SLC4A10: variants seen among roughly 807,000 people sequenced by gnomAD.
The protein encoded by SLC4A10 is solute carrier family 4 member 10.
SLC4A10 carries 42 observed loss-of-function variants against 137.7 expected under a neutral mutation model. The observed-to-expected ratio is 0.30, with a 90% CI of 0.24 to 0.39. The LOEUF (loss-of-function observed/expected upper bound fraction) is 0.39, where lower values mean the gene tolerates loss of function less well. Ranked by LOEUF, SLC4A10 falls within the 10% of genes least tolerant of loss-of-function variation. The pLI is 1.00. For synonymous variants in SLC4A10, 474 were observed against 464.1 expected, an observed-to-expected ratio of 1.02 and a Z score of -0.27; for missense variants, 925 against 1,355.0, an observed-to-expected ratio of 0.68 and a Z score of 4.98.
chr2:161,741,702 G>A (rs2047915193), intron 1 of SLC4A10, among the ~76,000 whole-genome samples: 1 of 152,040 alleles, frequency 6.6e-6, no homozygotes, highest in African/African-American at 2.4e-5. Context: ...GTACATAATA[G>A]GTGTATATAT....
At chr2:161,816,172 C>T (rs1051337259) in intron 3 of SLC4A10, among the ~76,000 whole-genome samples, 16 of 152,116 alleles carry the variant, frequency 1.1e-4, no homozygotes, top group African/African-American at 3.9e-4. Context: ...ATGACATTTC[C>T]ATGCTGAAGG....
At chr2:161,689,967 A>G (rs1005698903) in intron 1 of SLC4A10, among the ~76,000 whole-genome samples, 1 of 152,202 alleles carries the variant, frequency 6.6e-6, no homozygotes, top group Non-Finnish European at 1.5e-5. Flanking sequence ...TGAAGAATAT[A>G]GTGGATTCAT....
rs72873672 is a variant in SLC4A10 at position 161,655,448 on chromosome 2, C to T, written c.48+30882C>T. On this transcript the variant is annotated intron_variant, in intron 1 of 26. Transcript: ENST00000446997. ...TCCCTGCATTTTCCCTGATCTTTGA[C>T]GAAAAGCTTTCAGTTTTTTCACATT... Among the ~76,000 whole-genome samples the T allele has an allele frequency of 5.4e-3, 817 of 152,226 alleles. 5 individuals carry two copies. The highest frequency in any genetic ancestry group is 0.014 in the Middle Eastern group (4 of 294).
intron 4 of SLC4A10, among the ~76,000 whole-genome samples, chr2:161,842,998 G>T (rs1267384437): frequency 1.3e-5 from 2 of 152,156 alleles, no homozygotes; most frequent in African/African-American, 4.8e-5. Flanking sequence ...GTTAGTTAGA[G>T]TCTCTTTAAC....
intron 1 of SLC4A10, among the ~76,000 whole-genome samples, chr2:161,741,770 C>T (rs1008331259): frequency 5.3e-5 from 8 of 152,216 alleles, no homozygotes; most frequent in African/African-American, 7.2e-5. Context: ...GGCACATCAG[C>T]GTAAATGGAA....
At chr2:161,753,380 A>G (rs192158984) in intron 1 of SLC4A10, among the ~76,000 whole-genome samples, 17 of 152,266 alleles carry the variant, frequency 1.1e-4, no homozygotes, top group Admixed American at 9.2e-4. Context: ...AAAAACTCTT[A>G]TCTCTTCTTC....
intron 10 of SLC4A10, among the ~76,000 whole-genome samples, chr2:161,889,961 G>A (rs534096497): frequency 3.9e-5 from 6 of 152,288 alleles, no homozygotes; most frequent in East Asian, 1.9e-4. Flanking sequence ...TGCTTCAGCT[G>A]TGTCCCAGAG....
At chr2:161,732,469 C>T (rs2046918344) in intron 1 of SLC4A10, among the ~76,000 whole-genome samples, 1 of 152,104 alleles carries the variant, frequency 6.6e-6, no homozygotes, top group Non-Finnish European at 1.5e-5. Context: ...AACACAGATC[C>T]CTTACAGTAA....
intron 1 of SLC4A10, among the ~76,000 whole-genome samples, chr2:161,707,841 T>C (rs2125043771): frequency 6.6e-6 from 1 of 151,574 alleles, no homozygotes; most frequent in African/African-American, 2.4e-5. Flanking sequence ...ATGAAATCCC[T>C]GAAAATTAAA....
intron 1 of SLC4A10, among the ~76,000 whole-genome samples, chr2:161,666,361 C>T (rs1254170072): frequency 6.6e-6 from 1 of 151,584 alleles, no homozygotes; most frequent in Non-Finnish European, 1.5e-5. Context: ...TTTTCCAACA[C>T]GTAACACATG....
At chr2:161,752,074 T>C (rs958944893) in intron 1 of SLC4A10, among the ~76,000 whole-genome samples, 1 of 151,788 alleles carries the variant, frequency 6.6e-6, no homozygotes, top group Non-Finnish European at 1.5e-5. Flanking sequence ...AAATGGAGGG[T>C]TGGGTTAGTA....
At chr2:161,946,512 A>G (rs1421096397) in intron 16 of SLC4A10, among the ~76,000 whole-genome samples, 1 of 152,090 alleles carries the variant, frequency 6.6e-6, no homozygotes, top group Non-Finnish European at 1.5e-5. Context: ...AATTCAATTT[A>G]TGTTCAGGGC....
chr2:161,659,054 A>G lies in SLC4A10; in HGVS notation c.48+34488A>G, dbSNP rs186954476. Among the ~76,000 whole-genome samples, 5 of 152,314 alleles carry G rather than the reference A, an allele frequency of 3.3e-5. No homozygotes were observed. In the South Asian group the frequency reaches 8.3e-4, roughly 25 times the overall value. On this transcript the variant is annotated intron_variant, in intron 1 of 26. Transcript: ENST00000446997. ...TAGTCCAGCAATCCCACTACTGGGT[A>G]CATATCCAAAGGAAAAAAAAATCAT...
chr2:161,641,191 A>G (rs899895092), intron 1 of SLC4A10, among the ~76,000 whole-genome samples: 2 of 152,152 alleles, frequency 1.3e-5, no homozygotes, highest in Non-Finnish European at 2.9e-5. Context: ...GTTTATTACA[A>G]TATGATAGGC....
chr2:161,826,980 G>C (rs2058057234), intron 3 of SLC4A10, among the ~76,000 whole-genome samples: 1 of 152,068 alleles, frequency 6.6e-6, no homozygotes, highest in Non-Finnish European at 1.5e-5. Context: ...CTCTCCGTGA[G>C]ATGTATGTTC....
chr2:161,882,682 C>T (rs1284855630), intron 10 of SLC4A10, among the ~76,000 whole-genome samples: 3 of 151,964 alleles, frequency 2.0e-5, no homozygotes, highest in Admixed American at 2.0e-4. Flanking sequence ...TTCAGTGACA[C>T]TTAGAATATA....
chr2:161,842,477 G>A (rs559207314), intron 4 of SLC4A10, among the ~76,000 whole-genome samples: 47 of 151,612 alleles, frequency 3.1e-4, no homozygotes, highest in Non-Finnish European at 6.0e-4. Context: ...TCATGTGAAC[G>A]AACTATTCAT....
rs537326646 is a variant in SLC4A10 at position 161,957,501 on chromosome 2, G to A, written c.2793+261G>A. 2.0e-3 allele frequency among the ~76,000 whole-genome samples: 310 copies of A among 152,170 alleles called. 3 individuals are homozygous for A. Among genetic ancestry groups the A allele is most frequent in the African/African-American group, 6.8e-3 (281 of 41,516 alleles). On this transcript the variant is annotated intron_variant, in intron 20 of 26. Transcript: ENST00000446997. Reference sequence around the variant, plus strand: ...TAAATTATTGTAACAATTTTGAATCGGTGATCAAGCTATGGGAAAAAGTCA... The same window carrying A: ...TAAATTATTGTAACAATTTTGAATCAGTGATCAAGCTATGGGAAAAAGTCA...
intron 1 of SLC4A10, among the ~76,000 whole-genome samples, chr2:161,695,432 A>C (rs753685557): frequency 7.2e-5 from 11 of 152,074 alleles, no homozygotes; most frequent in Non-Finnish European, 1.5e-4. Flanking sequence ...ATACTGTTGC[A>C]TTTTCATCCT....
Sources: allele counts gnomAD v4.1 joint callset (sites outside exome capture counted in the v4.1 genomes callset), GRCh38; gene constraint gnomAD v4.1.1; transcripts MANE v1.5; gene names NCBI Gene and HGNC (gene_info 2026-07-23, HGNC 2026-07-21).